The following AGBL1 variants were observed in gnomAD, a reference collection of about 807,000 sequenced individuals.
The protein encoded by AGBL1 is cytosolic carboxypeptidase 4.
Under a neutral mutation model 118.9 loss-of-function variants are expected in AGBL1, and 130 were observed. The observed-to-expected ratio is 1.09, with a 90% CI of 0.95 to 1.26. The LOEUF (loss-of-function observed/expected upper bound fraction) is 1.26. Ranked by LOEUF, AGBL1 falls within the 50% of genes most tolerant of loss-of-function variation. AGBL1 has a pLI of 0.00. For missense variants in AGBL1, 1,584 were observed against 1,298.1 expected, an observed-to-expected ratio of 1.22 and a Z score of -3.38; for synonymous variants, 555 against 478.9, an observed-to-expected ratio of 1.16 and a Z score of -2.08.
chr15:86,374,444 C>T (rs935024589), intron 17 of AGBL1, among the ~76,000 whole-genome samples: 4 of 152,172 alleles, frequency 2.6e-5, no homozygotes, highest in African/African-American at 9.7e-5. Context: ...AACCAGGCAG[C>T]ACCTTCTTTG....
At chr15:86,107,704 A>C (rs916589766) in intron 1 of AGBL1, 2 of 152,200 alleles carry the variant, frequency 1.3e-5, no homozygotes. Flanking sequence ...ACTCACATTT[A>C]ACAGTGTTCT....
chr15:86,231,482 T>C (rs2078454117), intron 6 of AGBL1, among the ~76,000 whole-genome samples: 1 of 152,200 alleles, frequency 6.6e-6, no homozygotes, highest in Non-Finnish European at 1.5e-5. Context: ...ATAATATTGA[T>C]AGATTTTTGC....
chr15:86,607,434 G>A (rs1199353773), intron 21 of AGBL1, among the ~76,000 whole-genome samples: 3 of 152,136 alleles, frequency 2.0e-5, no homozygotes, highest in Non-Finnish European at 4.4e-5. Flanking sequence ...TTGGGTAAAT[G>A]GCAAGGAATG....
chr15:86,538,327 G>C (rs996440094), intron 19 of AGBL1, among the ~76,000 whole-genome samples: 1 of 152,194 alleles, frequency 6.6e-6, no homozygotes, highest in African/African-American at 2.4e-5. Flanking sequence ...AATAAATTCT[G>C]CATGTGCCTA....
intron 23 of AGBL1, among the ~76,000 whole-genome samples, chr15:86,948,613 G>A (rs1029978957): frequency 2.0e-5 from 3 of 152,192 alleles, no homozygotes; most frequent in Admixed American, 6.5e-5. Context: ...TAGCCAACGA[G>A]TGATTGAATG....
At chr15:86,630,394 A>G (rs992909178) in intron 21 of AGBL1, 7 of 152,254 alleles carry the variant, frequency 4.6e-5, no homozygotes. Flanking sequence ...TAATAATGGA[A>G]TGGAGAGCCA....
At chr15:86,523,002 G>A (rs780754470) in intron 19 of AGBL1, 63 bp downstream of exon 19, 1 of 1,554,378 alleles carries the variant, frequency 6.4e-7, no homozygotes, top group Non-Finnish European at 8.9e-7. Context: ...AGGAAGCAGA[G>A]TATATTCTGC....
intron 24 of AGBL1, among the ~76,000 whole-genome samples, chr15:87,008,550 GT>G (rs1254500184): frequency 2.6e-5 from 4 of 152,216 alleles, no homozygotes; most frequent in Non-Finnish European, 4.4e-5. Flanking sequence ...TACCAGTAGA[GT>G]GGGGCACTGC....
chr15:86,852,878 T>C (rs1419398161), intron 22 of AGBL1, among the ~76,000 whole-genome samples: 1 of 152,334 alleles, frequency 6.6e-6, no homozygotes, highest in East Asian at 1.9e-4. Context: ...GGGGAACTTT[T>C]AAAGTGCACA....
chr15:86,890,195 T>C (rs1318262169), intron 22 of AGBL1, among the ~76,000 whole-genome samples: 2 of 152,240 alleles, frequency 1.3e-5, no homozygotes, highest in Admixed American at 6.5e-5. Context: ...ATGAATGTCT[T>C]CTTTTGAGAA....
intron 17 of AGBL1, among the ~76,000 whole-genome samples, chr15:86,342,352 T>C (rs1371899894): frequency 2.0e-5 from 3 of 152,232 alleles, no homozygotes; most frequent in African/African-American, 7.2e-5. Flanking sequence ...GACCCAAGGC[T>C]ATATTTCCTA....
intron 23 of AGBL1, chr15:86,946,266 A>G (rs548466951): frequency 3.3e-5 from 5 of 152,374 alleles, no homozygotes; most frequent in Admixed American, 2.0e-4. Context: ...TGTGCTGAGC[A>G]GACTGGATCT....
intron 24 of AGBL1, among the ~76,000 whole-genome samples, chr15:87,028,476 T>C (rs1351618052): frequency 6.6e-6 from 1 of 151,978 alleles, no homozygotes; most frequent in Non-Finnish European, 1.5e-5. Flanking sequence ...GTAGTGATGA[T>C]AATATCAATA....
At chr15:86,418,099 T>A (rs1303832881) in intron 18 of AGBL1, among the ~76,000 whole-genome samples, 1 of 152,210 alleles carries the variant, frequency 6.6e-6, no homozygotes, top group East Asian at 1.9e-4. Context: ...GAATCTGCTA[T>A]CCATTTCATT....
intron 19 of AGBL1, among the ~76,000 whole-genome samples, chr15:86,536,380 A>T (rs1187314645): frequency 6.6e-6 from 1 of 152,024 alleles, no homozygotes; most frequent in Non-Finnish European, 1.5e-5. Flanking sequence ...GTGCAATCTC[A>T]GTTCACTGCA....
chr15:86,098,757 G>C lies in AGBL1; in HGVS notation c.51+18734G>C, dbSNP rs1896534193. ...GAAGTCAGGTAGTGTAATGCTTCCA[G>C]CTTTGTTCTTTGTGCTTAGGATTGC... On this transcript the variant is annotated intron_variant, in intron 1 of 22. Coordinates refer to ENST00000614907, the MANE Select transcript of AGBL1 (RefSeq NM_001386094.1). Among the ~76,000 whole-genome samples the C allele has an allele frequency of 2.0e-5, 3 of 152,018 alleles. No individual in the cohort carries two copies. The South Asian group carries it at 6.2e-4, about 32-fold the overall frequency.
intron 24 of AGBL1, among the ~76,000 whole-genome samples, chr15:86,988,925 CT>C (rs2141736827): frequency 6.7e-6 from 1 of 149,336 alleles, no homozygotes; most frequent in South Asian, 2.1e-4. Context: ...ATGGCTAGGA[CT>C]TTGAATAAAA....
intron 18 of AGBL1, among the ~76,000 whole-genome samples, chr15:86,510,286 A>T (rs1040585317): frequency 6.6e-6 from 1 of 152,130 alleles, no homozygotes; most frequent in Non-Finnish European, 1.5e-5. Context: ...AGCAGGAAAG[A>T]GAAGAGTTGT....
intron 17 of AGBL1, among the ~76,000 whole-genome samples, chr15:86,300,364 A>C (rs1371348025): frequency 6.6e-6 from 1 of 152,144 alleles, no homozygotes; most frequent in African/African-American, 2.4e-5. Flanking sequence ...TTTATTGCCA[A>C]ACTGGACATC....
Sources: allele counts gnomAD v4.1 joint callset (sites outside exome capture counted in the v4.1 genomes callset), GRCh38; gene constraint gnomAD v4.1.1; transcripts MANE v1.5; gene names NCBI Gene and HGNC (gene_info 2026-07-23, HGNC 2026-07-21).